CSMD1: variants seen among roughly 807,000 people sequenced by gnomAD.
CSMD1 encodes the protein CUB and Sushi multiple domains 1.
A neutral mutation model predicts 417.5 loss-of-function variants in CSMD1; 213 were observed. That is an observed-to-expected ratio of 0.51 (90% CI 0.46 to 0.57). The LOEUF (loss-of-function observed/expected upper bound fraction) is 0.57, where lower values mean the gene tolerates loss of function less well. Among genes scored for constraint, CSMD1 ranks in the 20% least tolerant of loss-of-function variants. CSMD1 has a pLI of 0.00. For missense variants in CSMD1, 6,923 were observed against 4,529.7 expected, an observed-to-expected ratio of 1.53 and a Z score of -15.17; for synonymous variants, 2,862 against 1,736.8, an observed-to-expected ratio of 1.65 and a Z score of -16.11.
At chr8:4,009,870 C>G (rs922500165) in intron 4 of CSMD1, among the ~76,000 whole-genome samples, 1 of 152,038 alleles carries the variant, frequency 6.6e-6, no homozygotes, top group Non-Finnish European at 1.5e-5. Flanking sequence ...AGAGGGTACT[C>G]TCGTACATCC....
At position 3,372,064 on chromosome 8, in the gene CSMD1, G is replaced by T. The variant is rs189260623; in HGVS notation, c.2783-2694C>A. On this transcript the variant is annotated intron_variant, in intron 18 of 69. Coordinates refer to ENST00000635120, the MANE Select transcript of CSMD1 (RefSeq NM_033225.6). The stretch of plus-strand genomic sequence containing the variant: ...GATAAAACCTGTAACAACATAAAAG[G>T]CAGATGATATACAATATTGGCAGAT... Among the ~76,000 whole-genome samples the T allele has an allele frequency of 2.0e-5, 3 of 152,216 alleles. No individual in the cohort carries two copies. The East Asian group carries it at 5.8e-4, about 29-fold the overall frequency.
At chr8:3,644,089 C>A (rs1226960939) in intron 7 of CSMD1, among the ~76,000 whole-genome samples, 1 of 152,158 alleles carries the variant, frequency 6.6e-6, no homozygotes, top group African/African-American at 2.4e-5. Flanking sequence ...TCCAGGGCAG[C>A]CCTTCTACAC....
rs141186157 is a variant in CSMD1 at position 4,080,293 on chromosome 8, C to A, written c.416-48194G>T. On this transcript the variant is annotated intron_variant, in intron 3 of 69. Transcript: ENST00000635120. ...ACTTGACAAGTGCACACCACGGTTA[C>A]AGTGTACCTAAGAGTAAGGCACGAT... Among the ~76,000 whole-genome samples, 4 of 152,158 alleles carry A rather than the reference C, an allele frequency of 2.6e-5. No homozygotes were observed. The East Asian group carries it at 7.7e-4, about 29-fold the overall frequency.
chr8:3,250,571 C>A (rs887393497), intron 26 of CSMD1, among the ~76,000 whole-genome samples: 1 of 152,116 alleles, frequency 6.6e-6, no homozygotes, highest in East Asian at 1.9e-4. Context: ...TGTGTATATA[C>A]CCAGTAATGG....
chr8:4,613,873 A>AAG (rs1411611385), intron 2 of CSMD1, among the ~76,000 whole-genome samples: 18 of 151,822 alleles, frequency 1.2e-4, no homozygotes, highest in African/African-American at 4.3e-4. Flanking sequence ...AAAAAAAAAA[A>AAG]AAAGAAAACG....
intron 5 of CSMD1, among the ~76,000 whole-genome samples, chr8:3,986,700 A>G (rs1316774271): frequency 6.6e-6 from 1 of 152,126 alleles, no homozygotes; most frequent in African/African-American, 2.4e-5. Context: ...GCATTTTACC[A>G]TGGAAAATTT....
At chr8:4,963,909 T>C (rs1460534777) in intron 1 of CSMD1, among the ~76,000 whole-genome samples, 1 of 152,170 alleles carries the variant, frequency 6.6e-6, no homozygotes, top group Non-Finnish European at 1.5e-5. Flanking sequence ...AAATATTTTA[T>C]ACACCTCACT....
chr8:3,686,685 C>T (rs867869589), intron 7 of CSMD1, among the ~76,000 whole-genome samples: 13 of 152,198 alleles, frequency 8.5e-5, no homozygotes, highest in African/African-American at 3.1e-4. Flanking sequence ...GGTCACTTCT[C>T]TAGCCGATCC....
At chr8:3,376,899 A>T (rs1257220658) in intron 18 of CSMD1, among the ~76,000 whole-genome samples, 2 of 152,158 alleles carry the variant, frequency 1.3e-5, no homozygotes, top group African/African-American at 4.8e-5. Context: ...ATTGCTTAAG[A>T]TTTGAAGGGT....
intron 37 of CSMD1, among the ~76,000 whole-genome samples, chr8:3,179,225 G>A (rs761169595): frequency 1.8e-4 from 28 of 152,164 alleles, no homozygotes; most frequent in Admixed American, 5.2e-4. Context: ...GATTACAGGC[G>A]TGAGCCACCG....
chr8:4,508,447 G>A (rs1802647931), intron 2 of CSMD1, among the ~76,000 whole-genome samples: 1 of 152,108 alleles, frequency 6.6e-6, no homozygotes, highest in Admixed American at 6.5e-5. Flanking sequence ...AGATACCAAT[G>A]AAACAAGTAA....
rs535568787 is a variant in CSMD1 at position 4,014,961 on chromosome 8, C to T, written c.611-16851G>A. On this transcript the variant is annotated intron_variant, in intron 4 of 69. Transcript: ENST00000635120. Reference sequence around the variant, plus strand: ...GTATGGGATGAGATAACGTGAATGACGTGCTTGGCAGAAAATGTAGCACAG... The same window carrying T: ...GTATGGGATGAGATAACGTGAATGATGTGCTTGGCAGAAAATGTAGCACAG... Among the ~76,000 whole-genome samples, 4 of 152,272 alleles carry T rather than the reference C, an allele frequency of 2.6e-5. No individual in the cohort carries two copies. In the South Asian group the frequency reaches 8.3e-4, roughly 32 times the overall value.
intron 1 of CSMD1, among the ~76,000 whole-genome samples, chr8:4,874,636 C>G (rs902266894): frequency 6.6e-6 from 1 of 151,668 alleles, no homozygotes; most frequent in African/African-American, 2.4e-5. Context: ...GGTGATCTAC[C>G]CACCTTGGCC....
intron 3 of CSMD1, among the ~76,000 whole-genome samples, chr8:4,071,587 C>T (rs1276776314): frequency 1.3e-5 from 2 of 152,000 alleles, no homozygotes; most frequent in Admixed American, 1.3e-4. Context: ...TCCTATCAAG[C>T]TTGGTCTCAG....
intron 3 of CSMD1, among the ~76,000 whole-genome samples, chr8:4,363,037 A>G (rs1017192916): frequency 6.6e-6 from 1 of 152,226 alleles, no homozygotes; most frequent in African/African-American, 2.4e-5. Flanking sequence ...TACTTCTGCT[A>G]CTACGGAAGG....
chr8:3,802,874 C>G (rs528490166), intron 5 of CSMD1, among the ~76,000 whole-genome samples: 3 of 152,024 alleles, frequency 2.0e-5, no homozygotes, highest in Non-Finnish European at 4.4e-5. Flanking sequence ...ATGATGTGGT[C>G]TTTAAAAAGA....
At chr8:4,338,275 C>A (rs767671827) in intron 3 of CSMD1, among the ~76,000 whole-genome samples, 1 of 152,114 alleles carries the variant, frequency 6.6e-6, no homozygotes, top group East Asian at 1.9e-4. Context: ...TGAGTAAGTG[C>A]AAGAGTTCAA....
At chr8:4,084,220 C>T (rs941905313) in intron 3 of CSMD1, among the ~76,000 whole-genome samples, 2 of 151,572 alleles carry the variant, frequency 1.3e-5, no homozygotes, top group African/African-American at 4.9e-5. Context: ...TAGTTTTACT[C>T]TGTAGAGTAG....
At chr8:4,438,054 G>C (rs1324361739) in intron 2 of CSMD1, among the ~76,000 whole-genome samples, 1 of 152,156 alleles carries the variant, frequency 6.6e-6, no homozygotes, top group Non-Finnish European at 1.5e-5. Flanking sequence ...AGCTATGAAG[G>C]AACAGCCAAT....
Sources: gnomAD v4.1 joint callset for allele counts (sites outside exome capture counted in the v4.1 genomes callset) on GRCh38, gnomAD v4.1.1 for gene constraint, MANE v1.5 for transcripts, NCBI Gene and HGNC (gene_info 2026-07-23, HGNC 2026-07-21) for gene names.